The following RAB30 variants were observed in gnomAD, a reference collection of about 807,000 sequenced individuals.
RAB30 encodes the protein RAB30, member RAS oncogene family.
A neutral mutation model predicts 25.1 loss-of-function variants in RAB30; 9 were observed. That is an observed-to-expected ratio of 0.36 (90% confidence interval 0.22 to 0.63). The LOEUF (loss-of-function observed/expected upper bound fraction) is 0.63. Ranked by LOEUF, RAB30 falls within the 20% of genes least tolerant of loss-of-function variation. RAB30 has a pLI of 0.69. For missense variants in RAB30, 140 were observed against 243.5 expected, an observed-to-expected ratio of 0.58 and a Z score of 2.83; for synonymous variants, 77 against 86.4, an observed-to-expected ratio of 0.89 and a Z score of 0.60.
At chr11:83,066,410 G>A (rs1400144070) in intron 1 of RAB30, among the ~76,000 whole-genome samples, 1 of 150,788 alleles carries the variant, frequency 6.6e-6, no homozygotes, top group African/African-American at 2.4e-5. Context: ...TTGATTCAGG[G>A]AACTCTGTGC....
chr11:83,055,285 C>T (rs1858435065), intron 1 of RAB30, among the ~76,000 whole-genome samples: 2 of 152,346 alleles, frequency 1.3e-5, no homozygotes, highest in Admixed American at 1.3e-4. Context: ...GTCCAGCACA[C>T]CACAACTTCA....
chr11:82,993,970 A>C, intron 3 of RAB30, 69 bp downstream of exon 3: 1 of 1,223,578 alleles, frequency 8.2e-7, no homozygotes, highest in Admixed American at 1.9e-5. Context: ...ATAAATGGTT[A>C]TGAAAGCAGT....
At chr11:83,027,709 A>G (rs749155666) in intron 1 of RAB30, among the ~76,000 whole-genome samples, 7 of 152,224 alleles carry the variant, frequency 4.6e-5, no homozygotes, top group Non-Finnish European at 7.3e-5. Flanking sequence ...GGTTTTTAGC[A>G]TATTTACAGA....
intron 1 of RAB30, among the ~76,000 whole-genome samples, chr11:83,046,607 C>T (rs780371236): frequency 3.9e-5 from 6 of 152,144 alleles, no homozygotes; most frequent in Admixed American, 6.5e-5. Flanking sequence ...CATCTCCCCA[C>T]CTTAGTCTCC....
chr11:83,070,990 A>T (rs1392787213), intron 1 of RAB30, among the ~76,000 whole-genome samples: 1 of 152,260 alleles, frequency 6.6e-6, no homozygotes, highest in Admixed American at 6.5e-5. Flanking sequence ...TGTCGGCTCC[A>T]CTTCCAAACA....
At chr11:83,052,784 C>G (rs1235744519) in intron 1 of RAB30, among the ~76,000 whole-genome samples, 1 of 152,110 alleles carries the variant, frequency 6.6e-6, no homozygotes, top group East Asian at 1.9e-4. Context: ...TGAAGTTTTC[C>G]TTTGTTGGGG....
At chr11:83,000,106 G>C (rs1857045422) in intron 1 of RAB30, among the ~76,000 whole-genome samples, 1 of 152,088 alleles carries the variant, frequency 6.6e-6, no homozygotes, top group Non-Finnish European at 1.5e-5. Flanking sequence ...TCCTAATTTG[G>C]TAGAGGGGGC....
chr11:83,058,055 C>A (rs1004556636), intron 1 of RAB30, among the ~76,000 whole-genome samples: 2 of 152,150 alleles, frequency 1.3e-5, no homozygotes, highest in African/African-American at 4.8e-5. Flanking sequence ...ACCATCTTTA[C>A]CTCTTTATTT....
chr11:82,997,630 A>C (rs559486930), intron 1 of RAB30, among the ~76,000 whole-genome samples: 1 of 152,310 alleles, frequency 6.6e-6, no homozygotes, highest in South Asian at 2.1e-4. Flanking sequence ...GTTTTCTTTC[A>C]GCATGAAAAG....
intron 4 of RAB30, among the ~76,000 whole-genome samples, chr11:82,983,507 T>A (rs1402442308): frequency 6.6e-6 from 1 of 152,234 alleles, no homozygotes; most frequent in South Asian, 2.1e-4. Context: ...CCTGACTTGC[T>A]GCAACTCCAC....
chr11:83,012,175 C>T (rs186246541), intron 1 of RAB30, among the ~76,000 whole-genome samples: 2 of 152,300 alleles, frequency 1.3e-5, no homozygotes, highest in Non-Finnish European at 2.9e-5. Context: ...TGTTGGACTG[C>T]CTAAGATGTG....
At chr11:83,050,652 A>T (rs776394073) in intron 1 of RAB30, among the ~76,000 whole-genome samples, 9 of 152,208 alleles carry the variant, frequency 5.9e-5, no homozygotes, top group Non-Finnish European at 1.2e-4. Context: ...GATGAATATG[A>T]TCCTTCATCA....
Position 83,071,833 on chromosome 11 carries a change from T to C in RAB30, c.-151A>G, listed in dbSNP as rs12797162. On this transcript the variant is annotated 5_prime_UTR_variant, in exon 1 of 5. Transcript: ENST00000527633. ...CCCTGGTGCTGCTGCTACACTTAGC[T>C]CAGCTGGAGCGAGCGGCAATCGCAA... 46,351 of 354,854 alleles carry C rather than the reference T, an allele frequency of 0.13. 3,452 individuals carry two copies. The highest frequency in any genetic ancestry group is 0.19 in the Middle Eastern group (269 of 1,386). 22.0% of individuals were successfully genotyped at this position (354,854 alleles called of 1,614,324 possible).
At chr11:82,993,323 G>A (rs1856895377) in intron 3 of RAB30, among the ~76,000 whole-genome samples, 1 of 152,138 alleles carries the variant, frequency 6.6e-6, no homozygotes, top group South Asian at 2.1e-4. Flanking sequence ...TGTAGCCATG[G>A]ATAAGTAAGT....
At chr11:82,983,217 A>G (rs117642449) in intron 4 of RAB30, among the ~76,000 whole-genome samples, 2,041 of 152,332 alleles carry the variant, frequency 0.013, 27 homozygotes, top group Middle Eastern at 0.092. Context: ...ATGGTTACCT[A>G]TGAAAGGAAC....
rs1167765792 is a variant in RAB30, at chr11:82,981,060, A to G, written c.*1105T>C. 6.6e-6 allele frequency: 1 copy of G among 152,198 alleles called. No homozygotes were observed. Among genetic ancestry groups the G allele is most frequent in the Non-Finnish European group, 1.5e-5 (1 of 68,036 alleles). 9.4% of individuals were successfully genotyped at this position (152,198 alleles called of 1,614,324 possible). A position where few individuals can be genotyped will look rare whatever the true frequency, so the allele number is the denominator to read the frequency against. ...TTTTCATCTGTTGCTATTCTCACTT[A>G]TCATACTAAAAAATCTACAAAATCC... On this transcript the variant is annotated 3_prime_UTR_variant, in exon 5 of 5. Coordinates refer to ENST00000527633, the MANE Select transcript of RAB30 (RefSeq NM_001286060.2).
intron 4 of RAB30, among the ~76,000 whole-genome samples, chr11:82,983,598 ATTTT>A (rs34673993): frequency 6.7e-6 from 1 of 150,282 alleles, no homozygotes; most frequent in Admixed American, 6.6e-5. Flanking sequence ...TGCCCAGCTA[ATTTT>A]TTTTTTTTAT....
chr11:83,016,720 C>T (rs1857446734), intron 1 of RAB30, among the ~76,000 whole-genome samples: 2 of 152,170 alleles, frequency 1.3e-5, no homozygotes, highest in Non-Finnish European at 2.9e-5. Context: ...ACAGCATTTG[C>T]AAAAGGTCCC....
At chr11:83,066,934 G>C (rs986112813) in intron 1 of RAB30, among the ~76,000 whole-genome samples, 1 of 152,140 alleles carries the variant, frequency 6.6e-6, no homozygotes, top group Non-Finnish European at 1.5e-5. Context: ...CCAATGTGTT[G>C]ATATTTCCTG....
Sources: gnomAD v4.1 joint callset for allele counts (sites outside exome capture counted in the v4.1 genomes callset) on GRCh38, gnomAD v4.1.1 for gene constraint, MANE v1.5 for transcripts, NCBI Gene and HGNC (gene_info 2026-07-23, HGNC 2026-07-21) for gene names.